FLVCR2: variants seen among roughly 807,000 people sequenced by gnomAD.
FLVCR2 encodes the protein FLVCR choline and putative heme transporter 2.
Under a neutral mutation model 48.9 loss-of-function variants are expected in FLVCR2, and 38 were observed. That is an observed-to-expected ratio of 0.78 (90% confidence interval 0.60 to 1.02). The LOEUF (loss-of-function observed/expected upper bound fraction) is 1.02. Among genes scored for constraint, FLVCR2 ranks in the 50% least tolerant of loss-of-function variants. The pLI is 0.00. For synonymous variants in FLVCR2, 255 were observed against 257.0 expected, an observed-to-expected ratio of 0.99 and a Z score of 0.07; for missense variants, 664 against 663.3, an observed-to-expected ratio of 1.00 and a Z score of -0.01.
chr14:75,596,451 G>A (rs532260629), intron 1 of FLVCR2, among the ~76,000 whole-genome samples: 60 of 152,174 alleles, frequency 3.9e-4, no homozygotes, highest in South Asian at 1.0e-3. Flanking sequence ...GTCCCAGTGA[G>A]CTTGAGAGTT....
At position 75,634,946 on chromosome 14, in the gene FLVCR2, A is replaced by G; in HGVS notation, c.1057A>G (p.Ile353Val). The G allele has an allele frequency of 6.2e-7, 1 of 1,614,062 alleles. No homozygotes were observed. Among genetic ancestry groups the G allele is most frequent in the South Asian group, 1.1e-5 (1 of 91,066 alleles). ...GAATGCTGGAAGAATTGGCCTGACG[A>G]TCGTCATTGCAGGAATGCTTGGGGC... ...EVNAGRIGLT[I>V]VIAGMLGAVI... The change falls in exon 5 of 10, where the codon ATC becomes GTC. Residue 353 changes from isoleucine (I) to valine (V), a missense_variant. By Grantham distance (29) the Ile-to-Val change is conservative (BLOSUM62 3). Transcript: ENST00000238667.
chr14:75,616,026 C>CAAAAAAA lies in FLVCR2; in HGVS notation c.670-6037_670-6031dup, dbSNP rs10629813. Among the ~76,000 whole-genome samples the CAAAAAAA allele has an allele frequency of 4.7e-4, 12 of 25,626 alleles. 3 individuals carry two copies. Among genetic ancestry groups the CAAAAAAA allele is most frequent in the Middle Eastern group, 0.062 (1 of 16 alleles). The allele number at this position is 25,626 out of a possible 152,430, so 16.8% of individuals were successfully genotyped here. A position where few individuals can be genotyped will look rare whatever the true frequency, so the allele number is the denominator to read the frequency against. Reference sequence around the variant, plus strand: ...TGGGTGACAGAGTGAGACTCCATCTCAAAAAAAAAAAAAAAAAAAAAATAG... The same window carrying CAAAAAAA: ...TGGGTGACAGAGTGAGACTCCATCTCAAAAAAAAAAAAAAAAAAAAAAAAAAAAATAG... On this transcript the variant is annotated intron_variant, in intron 1 of 9. Coordinates refer to ENST00000238667, the MANE Select transcript of FLVCR2 (RefSeq NM_017791.3).
At chr14:75,606,476 C>A (rs1291784915) in intron 1 of FLVCR2, among the ~76,000 whole-genome samples, 1 of 152,202 alleles carries the variant, frequency 6.6e-6, no homozygotes, top group African/African-American at 2.4e-5. Flanking sequence ...TGAGCACACC[C>A]AGGATTCATC....
chr14:75,609,990 G>A (rs1431026184), intron 1 of FLVCR2, among the ~76,000 whole-genome samples: 1 of 152,196 alleles, frequency 6.6e-6, no homozygotes, highest in Non-Finnish European at 1.5e-5. Flanking sequence ...GACAGAATTG[G>A]TGGGCAATCA....
chr14:75,581,244 A>G (rs932728787), intron 1 of FLVCR2, among the ~76,000 whole-genome samples: 1 of 152,186 alleles, frequency 6.6e-6, no homozygotes, highest in African/African-American at 2.4e-5. Context: ...AAGGAGAAAA[A>G]CAGGTATTAA....
At chr14:75,639,735 G>C (rs934302797) in intron 6 of FLVCR2, among the ~76,000 whole-genome samples, 3 of 152,130 alleles carry the variant, frequency 2.0e-5, no homozygotes, top group African/African-American at 7.2e-5. Flanking sequence ...GTTTTGCCTG[G>C]ACAACATGGG....
At chr14:75,595,878 C>T (rs370346910) in intron 1 of FLVCR2, 17 of 1,054,942 alleles carry the variant, frequency 1.6e-5, no homozygotes, top group South Asian at 8.8e-5. Context: ...TCTGTTCTTG[C>T]GTTCCTCTCA....
At chr14:75,580,370 T>C (rs1407463277) in intron 1 of FLVCR2, among the ~76,000 whole-genome samples, 1 of 152,254 alleles carries the variant, frequency 6.6e-6, no homozygotes, top group Non-Finnish European at 1.5e-5. Flanking sequence ...CGTCTCCAAA[T>C]ACTCGAAGCA....
chr14:75,643,284 A>C (rs1890346391), intron 9 of FLVCR2, among the ~76,000 whole-genome samples: 1 of 152,212 alleles, frequency 6.6e-6, no homozygotes, highest in Non-Finnish European at 1.5e-5. Context: ...TATTGTGATT[A>C]ATATGTTGGA....
rs2302591 is a variant in FLVCR2, at chr14:75,642,079, C to T, written c.1509+181C>T. ...TCCTCAGTGGGCATCTTTGGCATTGCGTTCTTGCTACTGCTACCCTTTCTT... is the reference window on the plus strand; with the variant it reads ...TCCTCAGTGGGCATCTTTGGCATTGTGTTCTTGCTACTGCTACCCTTTCTT... On this transcript the variant is annotated intron_variant, in intron 9 of 9. Transcript: ENST00000238667. 41,795 of 631,764 alleles carry T rather than the reference C, an allele frequency of 0.066. 2,758 individuals are homozygous for T. Among genetic ancestry groups the T allele is most frequent in the East Asian group, 0.29 (10,787 of 36,646 alleles). 39.1% of individuals were successfully genotyped at this position (631,764 alleles called of 1,614,324 possible).
intron 3 of FLVCR2, among the ~76,000 whole-genome samples, chr14:75,630,280 C>T (rs1018820907): frequency 3.9e-5 from 6 of 152,154 alleles, no homozygotes; most frequent in African/African-American, 1.4e-4. Context: ...TGTGATGGGT[C>T]TTGAAGCGCC....
intron 3 of FLVCR2, among the ~76,000 whole-genome samples, chr14:75,629,948 T>C (rs1889998368): frequency 6.6e-6 from 1 of 152,172 alleles, no homozygotes; most frequent in South Asian, 2.1e-4. Context: ...GGAGGGGGCT[T>C]CATGCCCCCT....
intron 5 of FLVCR2, 130 bp from the exon 6 acceptor site, chr14:75,639,222 C>T (rs1196516475): frequency 2.7e-6 from 2 of 731,820 alleles, no homozygotes; most frequent in Admixed American, 2.0e-5. Flanking sequence ...GAAAACAAAA[C>T]AAAACTCCAA....
chr14:75,600,131 C>G (rs1307581657), intron 1 of FLVCR2, among the ~76,000 whole-genome samples: 1 of 152,194 alleles, frequency 6.6e-6, no homozygotes, highest in African/African-American at 2.4e-5. Context: ...AAAGCCAAAA[C>G]AGTGATGAAA....
At chr14:75,613,836 C>G (rs1168969480) in intron 1 of FLVCR2, among the ~76,000 whole-genome samples, 2 of 152,182 alleles carry the variant, frequency 1.3e-5, no homozygotes, top group East Asian at 3.8e-4. Flanking sequence ...TAGGCATGAG[C>G]CACCACACCC....
chr14:75,586,468 A>G (rs1306968364), intron 1 of FLVCR2, among the ~76,000 whole-genome samples: 4 of 152,230 alleles, frequency 2.6e-5, no homozygotes, highest in African/African-American at 9.7e-5. Flanking sequence ...AGGGGATATG[A>G]TGGCTTAGCT....
chr14:75,619,769 C>T lies in FLVCR2; in HGVS notation c.670-2310C>T, dbSNP rs118091164. Among the ~76,000 whole-genome samples the T allele has an allele frequency of 3.4e-3, 514 of 152,232 alleles. 5 individuals are homozygous for T. The highest frequency in any genetic ancestry group is 0.01 in the Middle Eastern group (3 of 294). On this transcript the variant is annotated intron_variant, in intron 1 of 9. Coordinates refer to ENST00000238667, the MANE Select transcript of FLVCR2 (RefSeq NM_017791.3). The stretch of plus-strand genomic sequence containing the variant: ...GGTTACTGTAGGCCACTGCTAAGGC[C>T]CACCCATCCAACCTGCTGCCTGGAG...
Position 75,648,165 on chromosome 14 carries a change from A to G in FLVCR2, c.*1693A>G, listed in dbSNP as rs904519629. The G allele has an allele frequency of 6.6e-6, 1 of 152,652 alleles. No individual in the cohort carries two copies. The allele number at this position is 152,652 out of a possible 1,614,324, so 9.5% of individuals were successfully genotyped here. On this transcript the variant is annotated 3_prime_UTR_variant, in exon 10 of 10. Transcript: ENST00000238667. ...TTTCGAGGCAATAAAAACTTCTCAG[A>G]AAGTGGTCTGCCTTATCATTCAGTG...
chr14:75,584,422 C>CG (rs61208027), intron 1 of FLVCR2, among the ~76,000 whole-genome samples: 152,367 of 152,370 alleles, frequency 1, 76,182 homozygotes, highest in Middle Eastern at 1. Context: ...GAGAATAAGG[C>CG]GCCTTCCGGC....
Sources: allele counts gnomAD v4.1 joint callset (sites outside exome capture counted in the v4.1 genomes callset), GRCh38; gene constraint gnomAD v4.1.1; transcripts MANE v1.5; gene names NCBI Gene and HGNC (gene_info 2026-07-23, HGNC 2026-07-21).